Variants in EPB41L3 observed in about 807,000 individuals in gnomAD.
The protein encoded by EPB41L3 is erythrocyte membrane protein band 4.1 like 3.
Under a neutral mutation model 127.1 loss-of-function variants are expected in EPB41L3, and 57 were observed. The ratio of observed to expected loss-of-function variants is 0.45; its 90% CI spans 0.36 to 0.56. EPB41L3 has a LOEUF of 0.56. Ranked by LOEUF, EPB41L3 falls within the 20% of genes least tolerant of loss-of-function variation. The pLI is 0.00. For missense variants in EPB41L3, 1,273 were observed against 1,372.2 expected, an observed-to-expected ratio of 0.93 and a Z score of 1.14; for synonymous variants, 572 against 549.5, an observed-to-expected ratio of 1.04 and a Z score of -0.57.
At chr18:5,619,660 C>G (rs1275684551) in intron 1 of EPB41L3, among the ~76,000 whole-genome samples, 1 of 152,126 alleles carries the variant, frequency 6.6e-6, no homozygotes, top group Admixed American at 6.5e-5. Flanking sequence ...ACAAACACCC[C>G]CTTTCCTTAT....
chr18:5,526,417 C>A (rs1246861797), intron 1 of EPB41L3, among the ~76,000 whole-genome samples: 1 of 152,194 alleles, frequency 6.6e-6, no homozygotes, highest in Non-Finnish European at 1.5e-5. Context: ...ATCAACGAGA[C>A]ACATTCAAAT....
Position 5,565,273 on chromosome 18 carries a change from A to G in EPB41L3, c.-306+47067T>C, listed in dbSNP as rs193069639. ...AAATACATACAAAACTTAGCCGGGC[A>G]TGGCAGTGTGTGCCTGTAATCCCAG... On this transcript the variant is annotated intron_variant, in intron 3 of 21. Transcript: ENST00000545076. 9.2e-5 allele frequency among the ~76,000 whole-genome samples: 14 copies of G among 151,708 alleles called. No homozygotes were observed. In the East Asian group the frequency reaches 2.7e-3, roughly 30 times the overall value.
At chr18:5,458,334 G>A (rs1415592464) in intron 3 of EPB41L3, among the ~76,000 whole-genome samples, 2 of 152,178 alleles carry the variant, frequency 1.3e-5, no homozygotes, top group Non-Finnish European at 2.9e-5. Context: ...TCCCCAAGGA[G>A]TAAGTGGTCT....
At chr18:5,411,252 A>AT (rs1476758073) in intron 13 of EPB41L3, among the ~76,000 whole-genome samples, 2 of 152,196 alleles carry the variant, frequency 1.3e-5, no homozygotes, top group Non-Finnish European at 2.9e-5. Context: ...CTAACTAGGT[A>AT]TTTTTTAAGA....
At chr18:5,456,557 T>C (rs1425597155) in intron 3 of EPB41L3, among the ~76,000 whole-genome samples, 1 of 152,260 alleles carries the variant, frequency 6.6e-6, no homozygotes, top group Admixed American at 6.5e-5. Context: ...ATATTTTAGA[T>C]GAGTATTTAA....
In EPB41L3 at chr18:5,398,084, C is replaced by T. The variant is rs559679425; in HGVS notation, c.2409G>A (p.Glu803=). 115 of 1,614,126 alleles carry T rather than the reference C, an allele frequency of 7.1e-5. 3 individuals are homozygous for T. The South Asian group carries it at 1.2e-3, about 17-fold the overall frequency. ...MDGSEIFSLL[E]SARKPTEFIG... is the part of the protein sequence containing the mutation. ...TGAATTCTGTTGGTTTTCGCGCAGA[C>T]TCTAATAAACTGAAGATTTCAGAGC... The change falls in exon 17 of 23, where the codon GAG becomes GAA. Residue 803 remains glutamate, a synonymous_variant. Coordinates refer to ENST00000341928, the MANE Select transcript of EPB41L3 (RefSeq NM_012307.5).
At chr18:5,576,095 A>AGG (rs140689640) in intron 3 of EPB41L3, among the ~76,000 whole-genome samples, 3,164 of 152,360 alleles carry the variant, frequency 0.021, 76 homozygotes, top group African/African-American at 0.061. Context: ...AGCTCTGTTA[A>AGG]GGGAGGCTCA....
chr18:5,619,188 G>T (rs2094832281), intron 1 of EPB41L3, among the ~76,000 whole-genome samples: 1 of 152,088 alleles, frequency 6.6e-6, no homozygotes, highest in Non-Finnish European at 1.5e-5. Context: ...GTGGGGGTTA[G>T]GATGAAGTTC....
intron 3 of EPB41L3, among the ~76,000 whole-genome samples, chr18:5,566,579 A>G (rs932464843): frequency 5.3e-5 from 8 of 152,116 alleles, no homozygotes; most frequent in Non-Finnish European, 1.2e-4. Flanking sequence ...TCAAGCTACC[A>G]ATGACTTTCT....
At chr18:5,508,507 C>T (rs1018340264) in intron 1 of EPB41L3, among the ~76,000 whole-genome samples, 1 of 152,052 alleles carries the variant, frequency 6.6e-6, no homozygotes, top group African/African-American at 2.4e-5. Flanking sequence ...GTGGTTCATG[C>T]CTGTAATTCC....
intron 3 of EPB41L3, 53 bp downstream of exon 3, chr18:5,478,188 C>T (rs1475578360): frequency 1.3e-6 from 2 of 1,521,842 alleles, no homozygotes; most frequent in African/African-American, 1.4e-5. Context: ...TTTATACCAA[C>T]ATTCCCCAGC....
chr18:5,439,145 T>A (rs1229514020), intron 5 of EPB41L3, among the ~76,000 whole-genome samples: 2 of 152,092 alleles, frequency 1.3e-5, no homozygotes. Flanking sequence ...AGGTCCTGCT[T>A]GTATTTCGAA....
Position 5,423,471 on chromosome 18 carries a change from T to A in EPB41L3, c.1246A>T (p.Thr416Ser), listed in dbSNP as rs1194440034. 1 of 1,613,866 alleles carries A rather than the reference T, an allele frequency of 6.2e-7. No individual in the cohort carries two copies. Among genetic ancestry groups the A allele is most frequent in the Non-Finnish European group, 8.5e-7 (1 of 1,179,928 alleles). The change falls in exon 11 of 23, where the codon ACG (threonine) becomes TCG (serine). Residue 416 changes from threonine (T) to serine (S), a missense_variant. By Grantham distance (58) the Thr-to-Ser change is moderately conservative. Transcript: ENST00000341928. ...TCTATCAACGCACTGGCTCTTCTCG[T>A]TTGCGCTTGTGTCCTGCCACTATAA... is the stretch of plus-strand genomic sequence containing the variant. Reference protein sequence around the residue: ...FRYSGRTQAQTRRASALIDRP... With the variant: ...FRYSGRTQAQSRRASALIDRP...
chr18:5,499,829 G>GTGTATATATATATATATATATA (rs563662904), intron 1 of EPB41L3, among the ~76,000 whole-genome samples: 5 of 124,616 alleles, frequency 4.0e-5, no homozygotes, highest in African/African-American at 1.6e-4. Flanking sequence ...CTATGTGTGT[G>GTGTATATATATATATATATATA]TATATATATA....
chr18:5,566,739 AT>A lies in EPB41L3; in HGVS notation c.-306+45600del, dbSNP rs1255774325. ...TTTCTATTCCATTCTATTCTATTCT[AT>A]TCTATTCTATTCTATTCTATTCTAT... On this transcript the variant is annotated intron_variant, in intron 3 of 21. Coordinates refer to the EPB41L3 transcript ENST00000545076. 1.4e-4 allele frequency among the ~76,000 whole-genome samples: 16 copies of A among 117,628 alleles called. 1 individual carries two copies. The highest frequency in any genetic ancestry group is 5.3e-4 in the African/African-American group (15 of 28,140). 77.2% of individuals were successfully genotyped at this position (117,628 alleles called of 152,430 possible).
upstream of EPB41L3, chr18:5,630,342 C>CTACG (rs1568676948): frequency 1.9e-6 from 1 of 517,276 alleles, no homozygotes; most frequent in Non-Finnish European, 3.9e-6. Flanking sequence ...CGCTCCCGGC[C>CTACG]TACGCCCGGC....
rs1335486736 is a variant in EPB41L3 at position 5,478,418 on chromosome 18, C to T, written c.204G>A (p.Glu68=). The T allele has an allele frequency of 6.2e-7, 1 of 1,614,036 alleles. No individual in the cohort carries two copies. Among genetic ancestry groups the T allele is most frequent in the East Asian group, 2.2e-5 (1 of 44,878 alleles). The part of the protein sequence containing the change: ...VRREVTDKEQ[E]FAARAAKQLE... The stretch of plus-strand genomic sequence containing the variant: ...GCTGTTTTGCAGCCCTGGCAGCAAA[C>T]TCCTGTTCCTTGTCAGTGACCTGTG... The change falls in exon 3 of 23, where the codon GAG becomes GAA. Residue 68 remains glutamate (E), a synonymous_variant. Coordinates refer to ENST00000341928, the MANE Select transcript of EPB41L3 (RefSeq NM_012307.5).
At chr18:5,529,053 G>C (rs1162673931) in intron 1 of EPB41L3, 1 of 152,184 alleles carries the variant, frequency 6.6e-6, no homozygotes, top group African/African-American at 2.4e-5. Context: ...AAGAAAGAGA[G>C]CATATTAAGG....
At chr18:5,420,566 C>T (rs1325675432) in intron 11 of EPB41L3, among the ~76,000 whole-genome samples, 1 of 152,162 alleles carries the variant, frequency 6.6e-6, no homozygotes, top group Non-Finnish European at 1.5e-5. Context: ...TATGCATATA[C>T]ATTTACTCAT....
Sources: allele counts gnomAD v4.1 joint callset (sites outside exome capture counted in the v4.1 genomes callset), GRCh38; gene constraint gnomAD v4.1.1; transcripts MANE v1.5; gene names NCBI Gene and HGNC (gene_info 2026-07-23, HGNC 2026-07-21).